Variants in PAFAH1B1 observed in about 807,000 individuals in gnomAD.
PAFAH1B1 encodes the protein platelet activating factor acetylhydrolase 1b regulatory subunit 1, also known as platelet-activating factor acetylhydrolase IB subunit beta.
Under a neutral mutation model 57.5 loss-of-function variants are expected in PAFAH1B1, and 2 were observed. The ratio of observed to expected loss-of-function variants is 0.03; its 90% confidence interval spans 0.01 to 0.11. The LOEUF is 0.11. PAFAH1B1 is among the 10% of genes least tolerant of loss of function. The pLI is 1.00. For missense variants in PAFAH1B1, 257 were observed against 512.0 expected, an observed-to-expected ratio of 0.50 and a Z score of 4.81; for synonymous variants, 152 against 169.6, an observed-to-expected ratio of 0.90 and a Z score of 0.81.
chr17:2,623,888 C>T (rs1337018558), intron 1 of PAFAH1B1, among the ~76,000 whole-genome samples: 1 of 152,046 alleles, frequency 6.6e-6, no homozygotes, highest in African/African-American at 2.4e-5. Flanking sequence ...GATCCGCCCA[C>T]CTTGGCGTCC....
At chr17:2,666,940 A>T (rs921082867) in intron 4 of PAFAH1B1, 52 bp from the exon 5 acceptor site, 1 of 1,396,786 alleles carries the variant, frequency 7.2e-7, no homozygotes, top group Non-Finnish European at 1.0e-6. Flanking sequence ...AAAATGTCAC[A>T]TGCTATTTTT....
intron 8 of PAFAH1B1, 51 bp from the exon 9 acceptor site, chr17:2,676,454 C>A: frequency 9.0e-7 from 1 of 1,108,234 alleles, no homozygotes; most frequent in South Asian, 1.2e-5. Flanking sequence ...ATTTAAAGTC[C>A]ATACCTAACT....
At position 2,662,378 on chromosome 17, in the gene PAFAH1B1, TTGTGTGTGTGTGTGTG is replaced by T. The variant is rs57918293; in HGVS notation, c.33-2963_33-2948del. ...AACCATTTTTATTTTTTTAACCTCT[TTGTGTGTGTGTGTGTG>T]TGTGTGTGTGTGTGTGTGTGTGTGT... On this transcript the variant is annotated intron_variant, in intron 2 of 10. Coordinates refer to ENST00000397195, the MANE Select transcript of PAFAH1B1 (RefSeq NM_000430.4). 1.5e-3 allele frequency among the ~76,000 whole-genome samples: 189 copies of T among 123,782 alleles called. 1 individual carries two copies. Among genetic ancestry groups the T allele is most frequent in the Middle Eastern group, 4.1e-3 (1 of 244 alleles). 81.2% of individuals were successfully genotyped at this position (123,782 alleles called of 152,430 possible). A position where few individuals can be genotyped will look rare whatever the true frequency, so the allele number is the denominator to read the frequency against.
intron 1 of PAFAH1B1, among the ~76,000 whole-genome samples, chr17:2,634,296 C>G (rs1344790682): frequency 6.6e-6 from 1 of 152,120 alleles, no homozygotes; most frequent in Non-Finnish European, 1.5e-5. Context: ...CCACCATGCC[C>G]AGCTAATTTT....
chr17:2,600,583 A>C (rs908371845), intron 1 of PAFAH1B1, among the ~76,000 whole-genome samples: 27 of 151,354 alleles, frequency 1.8e-4, no homozygotes, highest in Non-Finnish European at 3.4e-4. Context: ...AAAAAAAAAA[A>C]AAACCAAAAA....
intron 1 of PAFAH1B1, among the ~76,000 whole-genome samples, chr17:2,627,643 T>TGG (rs1429137302): frequency 6.6e-6 from 1 of 152,236 alleles, no homozygotes; most frequent in Admixed American, 6.5e-5. Flanking sequence ...GGTATTTTGA[T>TGG]GGGGATTGTG....
Position 2,604,493 on chromosome 17 carries a change from T to C in PAFAH1B1, c.-191+10487T>C, listed in dbSNP as rs187242300. Among the ~76,000 whole-genome samples, 326 of 152,258 alleles carry C rather than the reference T, an allele frequency of 2.1e-3. 1 individual carries two copies. The highest frequency in any genetic ancestry group is 7.5e-3 in the African/African-American group (310 of 41,564). On this transcript the variant is annotated intron_variant, in intron 1 of 10. Coordinates refer to ENST00000397195, the MANE Select transcript of PAFAH1B1 (RefSeq NM_000430.4). ...CTACACACTAAAGACAGCCAAGAGA[T>C]GATACTTGAACTGAATCTTGAAGAA...
intron 5 of PAFAH1B1, among the ~76,000 whole-genome samples, chr17:2,668,957 C>CA (rs1218825651): frequency 6.6e-6 from 1 of 151,724 alleles, no homozygotes; most frequent in Non-Finnish European, 1.5e-5. Flanking sequence ...GCCTGGGCGA[C>CA]AAGAGTGAGA....
chr17:2,652,177 A>G (rs7219416), intron 2 of PAFAH1B1, among the ~76,000 whole-genome samples: 35,573 of 152,002 alleles, frequency 0.23, 4,324 homozygotes, highest in Middle Eastern at 0.28. Context: ...TTGGGAGGCC[A>G]AGGCGGGCAA....
At chr17:2,632,748 A>C (rs2068571344) in intron 1 of PAFAH1B1, among the ~76,000 whole-genome samples, 1 of 152,228 alleles carries the variant, frequency 6.6e-6, no homozygotes, top group South Asian at 2.1e-4. Flanking sequence ...TATGTAATCC[A>C]GAGATGATTT....
intron 2 of PAFAH1B1, chr17:2,641,779 A>T (rs2068698367): frequency 6.6e-6 from 1 of 152,224 alleles, no homozygotes; most frequent in South Asian, 2.1e-4. Flanking sequence ...GGGCATTATT[A>T]CTGGGATGTC....
chr17:2,657,253 T>C (rs866077499), intron 2 of PAFAH1B1, among the ~76,000 whole-genome samples: 1 of 152,146 alleles, frequency 6.6e-6, no homozygotes, highest in Non-Finnish European at 1.5e-5. Flanking sequence ...AATTTGTTTC[T>C]GTTTTTTGAG....
intron 2 of PAFAH1B1, chr17:2,639,437 A>G (rs1333095923): frequency 6.6e-6 from 1 of 152,194 alleles, no homozygotes; most frequent in Non-Finnish European, 1.5e-5. Context: ...CAGATGCTTT[A>G]ATGAGAGAGG....
intron 10 of PAFAH1B1, 42 bp from the exon 11 acceptor site, chr17:2,681,687 C>T (rs763058492): frequency 6.7e-7 from 1 of 1,487,718 alleles, no homozygotes; most frequent in Non-Finnish European, 9.4e-7. Context: ...GTTGTCCAGG[C>T]TTACGTGTGA....
At position 2,593,918 on chromosome 17, in the gene PAFAH1B1, CCTCCCTCCCCT is replaced by C. The variant is rs1374981361; in HGVS notation, c.-268_-258del. On this transcript the variant is annotated 5_prime_UTR_variant, in exon 1 of 11. Coordinates refer to ENST00000397195, the MANE Select transcript of PAFAH1B1 (RefSeq NM_000430.4). ...CCCCTCCTTCCCTCCCTCCCTCCTT[CCTCCCTCCCCT>C]CTCCCTCCCCCTCCCCCGCCGGTGG... The C allele has an allele frequency of 2.0e-5, 4 of 199,072 alleles. No individual in the cohort carries two copies. The highest frequency in any genetic ancestry group is 3.0e-5 in the Non-Finnish European group (3 of 100,874). 12.3% of individuals were successfully genotyped at this position (199,072 alleles called of 1,614,324 possible). A position where few individuals can be genotyped will look rare whatever the true frequency, so the allele number is the denominator to read the frequency against.
chr17:2,652,340 G>A (rs566660242), intron 2 of PAFAH1B1, among the ~76,000 whole-genome samples: 26 of 152,296 alleles, frequency 1.7e-4, no homozygotes, highest in South Asian at 1.5e-3. Flanking sequence ...GCGTGAACCC[G>A]GGAGGCGGAG....
At chr17:2,596,110 T>C (rs1482940359) in intron 1 of PAFAH1B1, among the ~76,000 whole-genome samples, 4 of 152,200 alleles carry the variant, frequency 2.6e-5, no homozygotes, top group Non-Finnish European at 4.4e-5. Context: ...CATTGAATGA[T>C]TGGAATAAAA....
chr17:2,669,988 C>T (rs534090290), intron 5 of PAFAH1B1, among the ~76,000 whole-genome samples, 175 bp from the exon 6 acceptor site: 1 of 152,080 alleles, frequency 6.6e-6, no homozygotes, highest in Non-Finnish European at 1.5e-5. Flanking sequence ...TTAGTTTTCC[C>T]TGTAGAAAAA....
chr17:2,642,116 G>C (rs1365660504), intron 2 of PAFAH1B1: 1 of 152,116 alleles, frequency 6.6e-6, no homozygotes, highest in Non-Finnish European at 1.5e-5. Context: ...TCTAATTCTG[G>C]TCTGTCCCCA....
Sources: allele counts gnomAD v4.1 joint callset (sites outside exome capture counted in the v4.1 genomes callset), GRCh38; gene constraint gnomAD v4.1.1; transcripts MANE v1.5; gene names NCBI Gene and HGNC (gene_info 2026-07-23, HGNC 2026-07-21).